The following ARK2C variants were observed in gnomAD, a reference collection of about 807,000 sequenced individuals.
The protein encoded by ARK2C is E3 ubiquitin-protein ligase ARK2C.
chr18:46,367,407 T>C, the ARK2C span, among the ~76,000 whole-genome samples: 2 of 152,124 alleles, frequency 1.3e-5, no homozygotes, highest in Non-Finnish European at 2.9e-5. Context: ...AAACAATTTG[T>C]CCATAGTAGT....
chr18:46,411,087 C>A, the ARK2C span, among the ~76,000 whole-genome samples: 2 of 152,170 alleles, frequency 1.3e-5, no homozygotes, highest in African/African-American at 4.8e-5. Flanking sequence ...GATTCAGGCA[C>A]CCCTTAATGA....
chr18:46,338,604 C>A, the ARK2C span, among the ~76,000 whole-genome samples: 2 of 152,030 alleles, frequency 1.3e-5, no homozygotes, highest in Admixed American at 1.3e-4. Context: ...AAAAAAGAAC[C>A]CTTAAAATAT....
At chr18:46,452,963 G>T in the ARK2C span, among the ~76,000 whole-genome samples, 2 of 152,218 alleles carry the variant, frequency 1.3e-5, no homozygotes, top group Non-Finnish European at 2.9e-5. Flanking sequence ...ACGGGGTGCT[G>T]TGGGGACTCA....
chr18:46,456,742 A>T, the ARK2C span: 1 of 790,622 alleles, frequency 1.3e-6, no homozygotes, highest in East Asian at 2.5e-5. Flanking sequence ...GTAGAGGAAA[A>T]GCCTGCAAGC....
chr18:46,334,521 C>CT, the ARK2C span: 7 of 500,256 alleles, frequency 1.4e-5, no homozygotes, highest in Non-Finnish European at 2.4e-5. This position sits in a 1 kb window ranked among gnomAD's most constrained non-coding sequence, Gnocchi z 4.4. Flanking sequence ...CTCGTGGGAG[C>CT]TTTTGTAGTG....
chr18:46,338,450 C>G, the ARK2C span, among the ~76,000 whole-genome samples: 1 of 152,220 alleles, frequency 6.6e-6, no homozygotes, highest in African/African-American at 2.4e-5. Context: ...AGTTTCCTGA[C>G]AGCTGCTTCA....
the ARK2C span, among the ~76,000 whole-genome samples, chr18:46,345,292 G>GCAGC: frequency 1.3e-5 from 2 of 152,214 alleles, no homozygotes; most frequent in East Asian, 3.8e-4. Flanking sequence ...TGAGGGGGCA[G>GCAGC]CAGCCAGCCC....
chr18:46,407,929 A>C, the ARK2C span, among the ~76,000 whole-genome samples: 2 of 152,228 alleles, frequency 1.3e-5, no homozygotes, highest in South Asian at 2.1e-4. Flanking sequence ...AGGATTTCAC[A>C]GTGGCAAAGA....
chr18:46,344,607 A>G, the ARK2C span, among the ~76,000 whole-genome samples: 1 of 152,192 alleles, frequency 6.6e-6, no homozygotes, highest in Non-Finnish European at 1.5e-5. Flanking sequence ...TGGCCTCCAC[A>G]GGGGACCTCG....
At chr18:46,388,377 A>T in the ARK2C span, among the ~76,000 whole-genome samples, 1 of 152,242 alleles carries the variant, frequency 6.6e-6, no homozygotes, top group Non-Finnish European at 1.5e-5. Context: ...TAATGTTTCC[A>T]TGCACTTCTT....
chr18:46,381,881 AC>A, the ARK2C span, among the ~76,000 whole-genome samples: 2 of 151,488 alleles, frequency 1.3e-5, no homozygotes, highest in African/African-American at 4.8e-5. Context: ...GGTTTCAGGC[AC>A]CACCGGCGAG....
chr18:46,425,865 A>G, the ARK2C span, among the ~76,000 whole-genome samples: 1 of 152,154 alleles, frequency 6.6e-6, no homozygotes, highest in Non-Finnish European at 1.5e-5. Flanking sequence ...AAATGCACTA[A>G]TCACAGTTCT....
chr18:46,416,271 G>A, the ARK2C span, among the ~76,000 whole-genome samples: 1 of 152,106 alleles, frequency 6.6e-6, no homozygotes, highest in East Asian at 1.9e-4. Flanking sequence ...GGAGGGAGGA[G>A]GCATTTAAAG....
At chr18:46,405,437 A>T in the ARK2C span, among the ~76,000 whole-genome samples, 1 of 152,198 alleles carries the variant, frequency 6.6e-6, no homozygotes. Flanking sequence ...GTGCTACAGC[A>T]GTGGCCCAGG....
chr18:46,370,466 C>T, the ARK2C span, among the ~76,000 whole-genome samples: 1 of 152,158 alleles, frequency 6.6e-6, no homozygotes, highest in Admixed American at 6.5e-5. Flanking sequence ...TTTAGGGGGA[C>T]CCTGCTCCCC....
chr18:46,428,142 G>A, the ARK2C span, among the ~76,000 whole-genome samples: 1 of 152,208 alleles, frequency 6.6e-6, no homozygotes, highest in Non-Finnish European at 1.5e-5. Context: ...CGGGCGCAGT[G>A]GCTCACGTCT....
At chr18:46,381,903 T>C in the ARK2C span, among the ~76,000 whole-genome samples, 1 of 151,978 alleles carries the variant, frequency 6.6e-6, no homozygotes, top group East Asian at 1.9e-4. Context: ...CAGGTGTCTT[T>C]GGAGAGATGT....
At chr18:46,382,281 G>A in the ARK2C span, among the ~76,000 whole-genome samples, 1 of 152,160 alleles carries the variant, frequency 6.6e-6, no homozygotes, top group African/African-American at 2.4e-5. Context: ...GAGGAAATCA[G>A]GCAGTGCAGG....
At chr18:46,451,537 A>G in the ARK2C span, among the ~76,000 whole-genome samples, 2 of 152,346 alleles carry the variant, frequency 1.3e-5, no homozygotes, top group Admixed American at 6.5e-5. Context: ...ACTCACACCT[A>G]TAATCTCAGT....
Sources: allele counts gnomAD v4.1 joint callset (sites outside exome capture counted in the v4.1 genomes callset), GRCh38; gene constraint gnomAD v4.1.1; non-coding constraint Gnocchi (gnomAD v3.1); transcripts MANE v1.5; gene names NCBI Gene and HGNC (gene_info 2026-07-23, HGNC 2026-07-21).